Variants in TRIO observed in about 807,000 individuals in gnomAD.
The protein encoded by TRIO is triple functional domain protein.
TRIO carries 58 observed loss-of-function variants against 351.9 expected under a neutral mutation model. The ratio of observed to expected loss-of-function variants is 0.16; its 90% CI spans 0.13 to 0.21. TRIO has a LOEUF of 0.21. TRIO is among the 10% of genes least tolerant of loss of function. TRIO has a pLI of 1.00. For missense variants in TRIO, 3,201 were observed against 4,027.8 expected, an observed-to-expected ratio of 0.79 and a Z score of 5.56; for synonymous variants, 1,758 against 1,595.7, an observed-to-expected ratio of 1.10 and a Z score of -2.42.
rs541835436 is a variant in TRIO at position 14,328,407 on chromosome 5, C to A, written c.1732-2371C>A. 7.2e-5 allele frequency among the ~76,000 whole-genome samples: 11 copies of A among 152,024 alleles called. No homozygotes were observed. The East Asian group carries it at 1.9e-3, about 27-fold the overall frequency. On this transcript the variant is annotated intron_variant, in intron 9 of 56. Transcript: ENST00000344204. The stretch of plus-strand genomic sequence containing the variant: ...ACTCAATGCACTAGTTAAAACAATG[C>A]GCCCAATATGCTATTTAAAACAATG...
chr5:14,401,143 A>ATAT, intron 31 of TRIO, 79 bp downstream of exon 31: 3 of 1,190,912 alleles, frequency 2.5e-6, no homozygotes, highest in Non-Finnish European at 3.6e-6. Flanking sequence ...CGTTGTTTTC[A>ATAT]TATTATTATT....
intron 40 of TRIO, among the ~76,000 whole-genome samples, chr5:14,474,652 C>A (rs1754918117): frequency 6.6e-6 from 1 of 152,040 alleles, no homozygotes; most frequent in South Asian, 2.1e-4. Flanking sequence ...ACTCATTTGT[C>A]CAATTATTTT....
chr5:14,156,227 C>G (rs1485665965), intron 1 of TRIO, among the ~76,000 whole-genome samples: 5 of 152,158 alleles, frequency 3.3e-5, no homozygotes, highest in African/African-American at 1.2e-4. Context: ...TAAACTGTTC[C>G]AGGTGCACCT....
intron 34 of TRIO, among the ~76,000 whole-genome samples, chr5:14,433,317 C>G (rs1056796138): frequency 6.6e-6 from 1 of 152,198 alleles, no homozygotes; most frequent in Non-Finnish European, 1.5e-5. Flanking sequence ...GCAGCAGGAA[C>G]TCCTGTGCTG....
At chr5:14,268,360 A>G (rs1314498332) in intron 1 of TRIO, among the ~76,000 whole-genome samples, 1 of 152,226 alleles carries the variant, frequency 6.6e-6, no homozygotes, top group African/African-American at 2.4e-5. Flanking sequence ...GTAATTGTCA[A>G]AAATGCTTTG....
intron 34 of TRIO, among the ~76,000 whole-genome samples, chr5:14,449,243 G>A (rs1311042854): frequency 6.6e-6 from 1 of 152,224 alleles, no homozygotes; most frequent in Non-Finnish European, 1.5e-5. Context: ...AGATGAGGCA[G>A]GCAGAACAGA....
At position 14,374,359 on chromosome 5, in the gene TRIO, A is replaced by G. The variant is rs1373140258; in HGVS notation, c.3331+16A>G. 5.0e-6 allele frequency: 8 copies of G among 1,606,788 alleles called. No homozygotes were observed. The highest frequency in any genetic ancestry group is 4.5e-5 in the East Asian group (2 of 44,622). ...CAAGTGAAAAGTGAGTAGAGCTGGG[A>G]GTCTCCAGGGGTGGCCCAGTGCATG... On this transcript the variant is annotated intron_variant, in intron 19 of 56. Transcript: ENST00000344204.
At chr5:14,339,065 G>A (rs10065184) in intron 11 of TRIO, among the ~76,000 whole-genome samples, 6,200 of 152,116 alleles carry the variant, frequency 0.041, 438 homozygotes, top group African/African-American at 0.14. Flanking sequence ...TTCAAAAGCT[G>A]TTACCTACAA....
intron 1 of TRIO, among the ~76,000 whole-genome samples, chr5:14,213,259 C>T (rs1203387217): frequency 6.6e-6 from 1 of 151,786 alleles, no homozygotes; most frequent in Non-Finnish European, 1.5e-5. Context: ...CCCCTCTTCT[C>T]TCTCAAAAGT....
Position 14,474,111 on chromosome 5 carries a change from C to T in TRIO, c.6083+14C>T. 3 of 1,608,860 alleles carry T rather than the reference C, an allele frequency of 1.9e-6. No individual in the cohort carries two copies. Among genetic ancestry groups the T allele is most frequent in the South Asian group, 1.1e-5 (1 of 90,824 alleles). On this transcript the variant is annotated intron_variant, in intron 40 of 56. Transcript: ENST00000344204. ...CTGGCACAGAGAGTACGTAAACATG[C>T]ATTGTGCCCGATGGTGTGCAAAGCA...
At chr5:14,473,425 GATTTATCTGCAGTC>G (rs766584480) in intron 39 of TRIO, among the ~76,000 whole-genome samples, 25 of 152,196 alleles carry the variant, frequency 1.6e-4, no homozygotes, top group Non-Finnish European at 3.2e-4. Flanking sequence ...TAACATGCTT[GATTTATCTGCAGTC>G]ATTGTTCACA....
Position 14,335,195 on chromosome 5 carries a change from A to G in TRIO, c.1855-1341A>G, listed in dbSNP as rs566657051. 3.3e-5 allele frequency among the ~76,000 whole-genome samples: 5 copies of G among 152,298 alleles called. No individual in the cohort carries two copies. In the East Asian group the frequency reaches 9.6e-4, roughly 29 times the overall value. ...CAAATAGAGAAACCTGGCTCCCATT[A>G]TCCCTCAGGTATTGGCTTACTTGTG... On this transcript the variant is annotated intron_variant, in intron 10 of 56. Transcript: ENST00000344204.
At chr5:14,453,379 T>C (rs575474226) in intron 34 of TRIO, among the ~76,000 whole-genome samples, 3 of 152,360 alleles carry the variant, frequency 2.0e-5, no homozygotes, top group East Asian at 3.9e-4. Flanking sequence ...ATATTAAAAG[T>C]GATTTTTAGT....
rs1746831009 is a variant in TRIO, at chr5:14,389,208, G to A, written c.3949-81G>A. On this transcript the variant is annotated intron_variant, in intron 24 of 56. Coordinates refer to ENST00000344204, the MANE Select transcript of TRIO (RefSeq NM_007118.4). ...ACTTTCACTTATACATTAACTCTGT[G>A]TGTTTACAGATGTCAGAAACAGCTG... 3.5e-5 allele frequency: 36 copies of A among 1,020,914 alleles called. 1 individual carries two copies. In the South Asian group the frequency reaches 5.0e-4, roughly 14 times the overall value. The allele number at this position is 1,020,914 out of a possible 1,614,324, so 63.2% of individuals were successfully genotyped here.
intron 33 of TRIO, among the ~76,000 whole-genome samples, chr5:14,417,683 T>C (rs1430436081): frequency 6.6e-6 from 1 of 152,224 alleles, no homozygotes; most frequent in African/African-American, 2.4e-5. Context: ...GCTACTGCCC[T>C]TTAGCAAGAG....
At chr5:14,165,149 C>T (rs1788691795) in intron 1 of TRIO, among the ~76,000 whole-genome samples, 1 of 152,152 alleles carries the variant, frequency 6.6e-6, no homozygotes, top group African/African-American at 2.4e-5. Flanking sequence ...ATTTTAGATA[C>T]AGGGGATATA....
At chr5:14,232,443 A>G (rs967680025) in intron 1 of TRIO, among the ~76,000 whole-genome samples, 20 of 152,280 alleles carry the variant, frequency 1.3e-4, no homozygotes, top group African/African-American at 3.6e-4. Context: ...CTTGACCTCT[A>G]TAACGCTCAG....
In TRIO at chr5:14,190,578, G is replaced by T. The variant is rs552252860; in HGVS notation, c.157+46696G>T. On this transcript the variant is annotated intron_variant, in intron 1 of 56. Coordinates refer to ENST00000344204, the MANE Select transcript of TRIO (RefSeq NM_007118.4). ...CCGTGGAAGCGTCATGCTTGTGGCCGTTCCTGCCCTGTTTAAATGATTCAG... is the reference window on the plus strand; with the variant it reads ...CCGTGGAAGCGTCATGCTTGTGGCCTTTCCTGCCCTGTTTAAATGATTCAG... 3.3e-5 allele frequency among the ~76,000 whole-genome samples: 5 copies of T among 152,174 alleles called. No homozygotes were observed. The South Asian group carries it at 1.0e-3, about 32-fold the overall frequency.
At chr5:14,225,576 G>A (rs1197332275) in intron 1 of TRIO, among the ~76,000 whole-genome samples, 1 of 152,086 alleles carries the variant, frequency 6.6e-6, no homozygotes, top group East Asian at 1.9e-4. Flanking sequence ...CTCTTTCCTG[G>A]AGGCCACTCT....
Sources: allele counts gnomAD v4.1 joint callset (sites outside exome capture counted in the v4.1 genomes callset), GRCh38; gene constraint gnomAD v4.1.1; transcripts MANE v1.5; gene names NCBI Gene and HGNC (gene_info 2026-07-23, HGNC 2026-07-21).